Variants in CACHD1 observed in about 807,000 individuals in gnomAD.
CACHD1 encodes the protein VWFA and cache domain-containing protein 1.
CACHD1 carries 71 observed loss-of-function variants against 138.7 expected under a neutral mutation model. The observed-to-expected ratio is 0.51, with a 90% CI of 0.42 to 0.62. The LOEUF (loss-of-function observed/expected upper bound fraction) is 0.62, where lower values mean the gene tolerates loss of function less well. Ranked by LOEUF, CACHD1 falls within the 20% of genes least tolerant of loss-of-function variation. The pLI is 0.00. For missense variants in CACHD1, 1,389 were observed against 1,625.3 expected, an observed-to-expected ratio of 0.85 and a Z score of 2.50; for synonymous variants, 578 against 591.5, an observed-to-expected ratio of 0.98 and a Z score of 0.33.
At chr1:64,506,361 T>A (rs1159911625) in intron 1 of CACHD1, 4 of 152,240 alleles carry the variant, frequency 2.6e-5, no homozygotes, top group African/African-American at 9.6e-5. Context: ...TACTCTTACC[T>A]GCGTTATCTT....
chr1:64,507,683 T>C (rs1191853736), intron 1 of CACHD1, among the ~76,000 whole-genome samples: 1 of 152,078 alleles, frequency 6.6e-6, no homozygotes, highest in Non-Finnish European at 1.5e-5. Context: ...TAAGAATAAG[T>C]TTTCAGGAGC....
chr1:64,550,784 C>T (rs1646753117), intron 2 of CACHD1, 128 bp downstream of exon 2: 2 of 627,068 alleles, frequency 3.2e-6, no homozygotes, highest in Admixed American at 2.9e-5. Flanking sequence ...TCACGTGCAT[C>T]TCATGCATAA....
intron 1 of CACHD1, among the ~76,000 whole-genome samples, chr1:64,534,043 C>CA (rs953360218): frequency 7.0e-6 from 1 of 142,162 alleles, no homozygotes; most frequent in African/African-American, 2.6e-5. Context: ...GTGAGCCCAG[C>CA]ATTTTTTTTT....
rs1481225569 is a variant in CACHD1, at chr1:64,692,886, T to C, written c.*1325T>C. ...TGGTAAATCTCCGTTTATATGTAGT[T>C]GGAAAAAATTCACTGAATAATGTTT... On this transcript the variant is annotated 3_prime_UTR_variant, in exon 27 of 27. Coordinates refer to ENST00000651257, the MANE Select transcript of CACHD1 (RefSeq NM_020925.4). 6.6e-6 allele frequency: 1 copy of C among 152,634 alleles called. No homozygotes were observed. Among genetic ancestry groups the C allele is most frequent in the African/African-American group, 2.4e-5 (1 of 41,450 alleles). 9.5% of individuals were successfully genotyped at this position (152,634 alleles called of 1,614,324 possible).
intron 1 of CACHD1, among the ~76,000 whole-genome samples, chr1:64,495,362 A>G (rs1646299991): frequency 6.6e-6 from 1 of 152,218 alleles, no homozygotes. Flanking sequence ...TACAGTGTCT[A>G]TGCTATATTC....
chr1:64,568,297 C>T (rs547098300), intron 2 of CACHD1, among the ~76,000 whole-genome samples: 8 of 152,278 alleles, frequency 5.3e-5, no homozygotes, highest in Non-Finnish European at 1.2e-4. Flanking sequence ...TTCTCCCTTT[C>T]TGTCACACGG....
intron 1 of CACHD1, among the ~76,000 whole-genome samples, chr1:64,487,960 A>G (rs1252509897): frequency 6.6e-6 from 1 of 152,174 alleles, no homozygotes; most frequent in African/African-American, 2.4e-5. Context: ...CTGGGTTTTT[A>G]AGTAGCTGGT....
At chr1:64,593,497 C>T (rs1296460993) in intron 3 of CACHD1, among the ~76,000 whole-genome samples, 1 of 152,084 alleles carries the variant, frequency 6.6e-6, no homozygotes, top group East Asian at 1.9e-4. Flanking sequence ...ATCTCTGTGT[C>T]ACAAGGTCAA....
chr1:64,625,644 AAAAG>A (rs1163215126), intron 4 of CACHD1, among the ~76,000 whole-genome samples: 2 of 152,018 alleles, frequency 1.3e-5, no homozygotes, highest in African/African-American at 2.4e-5. Context: ...AAAAAAAAGA[AAAAG>A]AAATTACCTA....
At chr1:64,676,502 TC>T (rs1210136636) in intron 21 of CACHD1, among the ~76,000 whole-genome samples, 1 of 152,310 alleles carries the variant, frequency 6.6e-6, no homozygotes, top group South Asian at 2.1e-4. Flanking sequence ...ATGGTCTCAC[TC>T]TGTTGCTCAG....
intron 24 of CACHD1, among the ~76,000 whole-genome samples, chr1:64,680,443 G>A (rs1020114298): frequency 1.7e-4 from 26 of 151,826 alleles, no homozygotes; most frequent in South Asian, 4.2e-4. Context: ...AGCCAAGATC[G>A]CGCCATTGCA....
intron 1 of CACHD1, among the ~76,000 whole-genome samples, chr1:64,475,171 C>CTTTTTTTTTTTTTTTTTTTTTTTTT (rs3078373): frequency 3.2e-5 from 4 of 124,286 alleles, no homozygotes; most frequent in Non-Finnish European, 1.6e-5. Flanking sequence ...AAATTCCTTC[C>CTTTTTTTTTTTTTTTTTTTTTTTTT]TTTTTTTTTT....
At chr1:64,524,437 C>G (rs1646521527) in intron 1 of CACHD1, among the ~76,000 whole-genome samples, 1 of 152,136 alleles carries the variant, frequency 6.6e-6, no homozygotes, top group South Asian at 2.1e-4. Context: ...CAAATAGCAC[C>G]ACTTACTGGG....
intron 1 of CACHD1, among the ~76,000 whole-genome samples, chr1:64,525,414 G>T (rs747397279): frequency 6.6e-6 from 1 of 151,994 alleles, no homozygotes; most frequent in Non-Finnish European, 1.5e-5. Context: ...TTTCCTCCCC[G>T]GTAAGATGAG....
At chr1:64,653,020 A>T (rs193080314) in intron 10 of CACHD1, among the ~76,000 whole-genome samples, 262 of 152,324 alleles carry the variant, frequency 1.7e-3, no homozygotes, top group Non-Finnish European at 2.8e-3. Context: ...TAGACTGGAT[A>T]AAGAAAATGT....
At chr1:64,501,943 T>C (rs901540121) in intron 1 of CACHD1, among the ~76,000 whole-genome samples, 33 of 152,256 alleles carry the variant, frequency 2.2e-4, no homozygotes, top group Non-Finnish European at 2.9e-5. Flanking sequence ...AACTCAGGTG[T>C]CATTACTGAA....
intron 1 of CACHD1, among the ~76,000 whole-genome samples, chr1:64,485,367 G>GT (rs1264667325): frequency 1.3e-5 from 2 of 152,122 alleles, no homozygotes; most frequent in Non-Finnish European, 2.9e-5. Flanking sequence ...CATATCTATA[G>GT]TTTTGCCTTT....
intron 2 of CACHD1, among the ~76,000 whole-genome samples, chr1:64,557,062 A>G (rs1004384579): frequency 7.9e-5 from 12 of 151,980 alleles, no homozygotes; most frequent in African/African-American, 2.4e-4. Flanking sequence ...CGGAGCTTGC[A>G]GTGAGCTGAG....
chr1:64,531,270 C>T (rs1181616306), intron 1 of CACHD1, among the ~76,000 whole-genome samples: 1 of 152,148 alleles, frequency 6.6e-6, no homozygotes, highest in Non-Finnish European at 1.5e-5. Context: ...GGATGCAGTC[C>T]TCCTCTCCAG....
Sources: allele counts gnomAD v4.1 joint callset (sites outside exome capture counted in the v4.1 genomes callset), GRCh38; gene constraint gnomAD v4.1.1; transcripts MANE v1.5; gene names NCBI Gene and HGNC (gene_info 2026-07-23, HGNC 2026-07-21).